ATP8B1: variants seen among roughly 807,000 people sequenced by gnomAD.
ATP8B1 encodes the protein ATPase phospholipid transporting 8B1.
A neutral mutation model predicts 149.9 loss-of-function variants in ATP8B1; 80 were observed. The observed-to-expected ratio is 0.53, with a 90% CI of 0.45 to 0.64. ATP8B1 has a LOEUF of 0.64. ATP8B1 is among the 30% of genes least tolerant of loss of function. The probability of loss-of-function intolerance (pLI) is 0.00; values close to 1 mark genes in which losing one functional copy is unlikely to be tolerated. For synonymous variants in ATP8B1, 536 were observed against 562.8 expected (o/e 0.95, Z 0.67); for missense variants, 1,247 against 1,552.6 (o/e 0.80, Z 3.31).
At chr18:57,707,366 C>G (rs953151761) in intron 2 of ATP8B1, among the ~76,000 whole-genome samples, 1 of 152,150 alleles carries the variant, frequency 6.6e-6, no homozygotes, top group Admixed American at 6.6e-5. Context: ...TCTCCATGAA[C>G]ATGCATGCTG....
At position 57,760,292 on chromosome 18, in the gene ATP8B1, C is replaced by T. The variant is rs181978673; in HGVS notation, c.-25-28460G>A. ...GGGATGAACATTTCATCAACACAAT[C>T]ACTCTGGGATAATGCCTGGGTGGAT... On this transcript the variant is annotated intron_variant, in intron 1 of 27. Transcript: ENST00000648908. Among the ~76,000 whole-genome samples the T allele has an allele frequency of 5.3e-5, 8 of 152,332 alleles. 1 individual carries two copies. Among genetic ancestry groups the T allele is most frequent in the Admixed American group, 2.6e-4 (4 of 15,308 alleles).
chr18:57,729,297 C>T (rs1484579444), intron 2 of ATP8B1, among the ~76,000 whole-genome samples: 1 of 152,164 alleles, frequency 6.6e-6, no homozygotes, highest in Non-Finnish European at 1.5e-5. Context: ...AGCCAATTCT[C>T]CTGCCACCCC....
chr18:57,692,214 G>T (rs1038978425), intron 11 of ATP8B1, among the ~76,000 whole-genome samples: 2 of 152,134 alleles, frequency 1.3e-5, no homozygotes, highest in South Asian at 2.1e-4. Context: ...CCCATAGAAG[G>T]TAAGGTTTTG....
rs761839764 is a variant in ATP8B1, at chr18:57,650,447, G to C, written c.3451C>G (p.Leu1151Val). 1 of 1,613,932 alleles carries C rather than the reference G, an allele frequency of 6.2e-7. No homozygotes were observed. The highest frequency in any genetic ancestry group is 1.1e-5 in the South Asian group (1 of 91,068). The change falls in exon 27 of 28, where the codon CTG (leucine) becomes GTG (valine). Residue 1151 changes from leucine to valine, a missense_variant. This residue lies in a region of ATP8B1 where 164 missense variants were observed against 160.3 expected (regional missense o/e 1.02). Transcript: ENST00000648908. ...GGTAGTAAGCACACAGCAACAGCCA[G>C]GATGATAGTTAACCAAATGTATGGC... ...RQPYIWLTII[L>V]AVAVCLLPVV...
At chr18:57,773,238 C>T (rs2080279643) in intron 1 of ATP8B1, among the ~76,000 whole-genome samples, 1 of 149,440 alleles carries the variant, frequency 6.7e-6, no homozygotes, top group South Asian at 2.1e-4. Context: ...GAAATGATAA[C>T]CCTGACCAAG....
At position 57,695,249 on chromosome 18, in the gene ATP8B1, A is replaced by C. The variant is rs1255386443; in HGVS notation, c.862T>G (p.Leu288Val). 1.7e-5 allele frequency: 27 copies of C among 1,614,034 alleles called. No homozygotes were observed. The highest frequency in any genetic ancestry group is 2.0e-5 in the Non-Finnish European group (24 of 1,179,922). ...CGTAACAAAATTTTATCAGCATCCA[A>C]AGGAAAACTTGTGTTTCTCCAAAAT... ...TLFWRNTSFP[L>V]DADKILLRGC... The change falls in exon 10 of 28, where the codon TTG (leucine) becomes GTG (valine). Residue 288 changes from leucine to valine, a missense_variant. Leu to Val is a conservative substitution (Grantham distance 32). Around this residue, in one of 3 missense-constraint regions of ATP8B1, gnomAD observed 853 missense variants for 1,035.7 expected, o/e 0.82. Transcript: ENST00000648908.
chr18:57,672,885 AGTATATATATATATAT>A (rs1911298044), intron 16 of ATP8B1, among the ~76,000 whole-genome samples: 1 of 23,360 alleles, frequency 4.3e-5, no homozygotes, highest in African/African-American at 1.4e-4. Context: ...AAAAAAAAAA[AGTATATATATATATAT>A]ATATATATAT....
At chr18:57,660,908 T>C (rs1362651521) in intron 22 of ATP8B1, among the ~76,000 whole-genome samples, 2 of 152,236 alleles carry the variant, frequency 1.3e-5, no homozygotes, top group East Asian at 1.9e-4. Context: ...AATAAAAATA[T>C]AAGGATAAAT....
intron 2 of ATP8B1, among the ~76,000 whole-genome samples, chr18:57,718,085 A>G (rs1329968084): frequency 1.4e-5 from 2 of 147,652 alleles, no homozygotes; most frequent in Admixed American, 6.8e-5. Flanking sequence ...AAATTGACAA[A>G]CCTTTAGCTG....
chr18:57,659,062 G>A (rs185377411), intron 22 of ATP8B1, among the ~76,000 whole-genome samples: 19 of 152,246 alleles, frequency 1.2e-4, no homozygotes, highest in African/African-American at 4.6e-4. Context: ...GACTGATTGA[G>A]CCCAGGAGTT....
chr18:57,690,870 A>C (rs75587131), intron 12 of ATP8B1, among the ~76,000 whole-genome samples: 2 of 152,262 alleles, frequency 1.3e-5, no homozygotes, highest in African/African-American at 4.8e-5. Flanking sequence ...AGGGCAGTGA[A>C]CTTTCATATT....
At chr18:57,675,899 G>C (rs928792067) in intron 15 of ATP8B1, among the ~76,000 whole-genome samples, 1 of 152,020 alleles carries the variant, frequency 6.6e-6, no homozygotes, top group Non-Finnish European at 1.5e-5. Context: ...TAGAGACGGG[G>C]TTTCACCATG....
chr18:57,779,315 A>AG (rs1356936922), intron 1 of ATP8B1, among the ~76,000 whole-genome samples: 1 of 147,538 alleles, frequency 6.8e-6, no homozygotes, highest in Non-Finnish European at 1.5e-5. Flanking sequence ...ACCCTCCCTC[A>AG]GAAAAAAAAA....
chr18:57,681,995 G>A (rs1599110757), intron 15 of ATP8B1, among the ~76,000 whole-genome samples: 1 of 143,448 alleles, frequency 7.0e-6, no homozygotes, highest in East Asian at 2.3e-4. Flanking sequence ...CAGGCTGGAG[G>A]GACTTTGTGT....
intron 1 of ATP8B1, among the ~76,000 whole-genome samples, chr18:57,793,394 C>T (rs528177195): frequency 2.0e-5 from 3 of 152,156 alleles, no homozygotes; most frequent in South Asian, 4.2e-4. Flanking sequence ...GGAAAAGCTT[C>T]CACCCTCACT....
chr18:57,756,210 T>TATATAC lies in ATP8B1; in HGVS notation c.-25-24379_-25-24378insGTATAT, dbSNP rs747325321. Among the ~76,000 whole-genome samples the TATATAC allele has an allele frequency of 5.8e-4, 63 of 109,046 alleles. No individual in the cohort carries two copies. In the East Asian group the frequency reaches 0.011, roughly 20 times the overall value. The allele number at this position is 109,046 out of a possible 152,430, so 71.5% of individuals were successfully genotyped here. ...TCCACAACATATATATATATATATA[T>TATATAC]ACACACACACACACACACACACACA... On this transcript the variant is annotated intron_variant, in intron 1 of 27. Coordinates refer to ENST00000648908, the MANE Select transcript of ATP8B1 (RefSeq NM_001374385.1).
chr18:57,663,307 C>A (rs1383192980), intron 20 of ATP8B1, among the ~76,000 whole-genome samples: 8 of 152,202 alleles, frequency 5.3e-5, no homozygotes, highest in Admixed American at 5.2e-4. Context: ...TGTGGAAGCA[C>A]CACATTCTGT....
chr18:57,647,115 G>C lies in ATP8B1; in HGVS notation c.*1373C>G, dbSNP rs1301593440. On this transcript the variant is annotated 3_prime_UTR_variant, in exon 28 of 28. Transcript: ENST00000648908. ...CCCTGATAAAATACTTTGCATATAG[G>C]CAGGCACAAAAGTTTGCTTTCCAAA... 1 of 152,140 alleles carries C rather than the reference G, an allele frequency of 6.6e-6. No homozygotes were observed. The highest frequency in any genetic ancestry group is 2.4e-5 in the African/African-American group (1 of 41,426). The allele number at this position is 152,140 out of a possible 1,614,324, so 9.4% of individuals were successfully genotyped here.
chr18:57,655,416 A>T lies in ATP8B1; in HGVS notation c.2709T>A (p.Thr903=), dbSNP rs1330673235. 1 of 1,613,904 alleles carries T rather than the reference A, an allele frequency of 6.2e-7. No homozygotes were observed. Residue 903 remains threonine, a splice_region_variant and synonymous_variant, in exon 23 of 28, where the codon ACT becomes ACA. Transcript: ENST00000648908. ...DGANDVNMIK[T]AHIGVGISGQ... is the part of the protein sequence containing the mutation. ...CACTTATTCCAACGCCAATGTGGGC[A>T]GCTATGGGGCAGAGGGAGAAAACAC...
Sources: allele counts gnomAD v4.1 joint callset (sites outside exome capture counted in the v4.1 genomes callset), GRCh38; gene constraint gnomAD v4.1.1; regional missense constraint gnomAD v4.1.1; transcripts MANE v1.5; gene names NCBI Gene and HGNC (gene_info 2026-07-23, HGNC 2026-07-21).